OPN5: variants seen among roughly 807,000 people sequenced by gnomAD.
The protein encoded by OPN5 is opsin-5.
Under a neutral mutation model 41.7 loss-of-function variants are expected in OPN5, and 18 were observed. That is an observed-to-expected ratio of 0.43 (90% CI 0.30 to 0.64). OPN5 has a LOEUF of 0.64. Ranked by LOEUF, OPN5 falls within the 30% of genes least tolerant of loss-of-function variation. The pLI, the probability that OPN5 is intolerant of heterozygous loss-of-function variation, is 0.13. For missense variants in OPN5, 318 were observed against 434.5 expected, an observed-to-expected ratio of 0.73 and a Z score of 2.38; for synonymous variants, 178 against 164.3, an observed-to-expected ratio of 1.08 and a Z score of -0.64.
chr6:47,784,329 C>G (rs1474585110), intron 1 of OPN5, among the ~76,000 whole-genome samples: 2 of 151,418 alleles, frequency 1.3e-5, no homozygotes, highest in East Asian at 3.9e-4. Flanking sequence ...TAGAGTCTCA[C>G]TCTGTCACCC....
chr6:47,793,417 A>G (rs1202548218), intron 3 of OPN5, among the ~76,000 whole-genome samples: 1 of 152,190 alleles, frequency 6.6e-6, no homozygotes, highest in Non-Finnish European at 1.5e-5. Context: ...CTGATGCACT[A>G]TTAAACCCTC....
intron 4 of OPN5, among the ~76,000 whole-genome samples, chr6:47,799,780 T>C (rs1326325870): frequency 6.6e-6 from 1 of 152,134 alleles, no homozygotes; most frequent in Non-Finnish European, 1.5e-5. Flanking sequence ...TCAGGGTAGG[T>C]TACCAACTCC....
chr6:47,788,028 C>G (rs899450961), intron 2 of OPN5, among the ~76,000 whole-genome samples: 1 of 152,234 alleles, frequency 6.6e-6, no homozygotes, highest in African/African-American at 2.4e-5. Context: ...TGTGTGCTTA[C>G]TCAGAGTTTG....
chr6:47,795,479 C>A, exon 4 of OPN5: 1 of 1,614,008 alleles, frequency 6.2e-7, no homozygotes, highest in South Asian at 1.1e-5. Flanking sequence ...AGATCATTGC[C>A]AAGGTTAAGT....
At chr6:47,811,893 C>A in intron 6 of OPN5, 162 bp downstream of exon 6, 1 of 466,496 alleles carries the variant, frequency 2.1e-6, no homozygotes, top group Non-Finnish European at 3.8e-6. Context: ...ATTCCAATGG[C>A]TAAATGGAAA....
At chr6:47,821,900 G>T (rs185520149) in intron 6 of OPN5, among the ~76,000 whole-genome samples, 124 of 152,154 alleles carry the variant, frequency 8.1e-4, no homozygotes, top group Non-Finnish European at 8.5e-4. Flanking sequence ...AGATCAAGTG[G>T]TCAGGAGTTC....
intron 4 of OPN5, among the ~76,000 whole-genome samples, chr6:47,804,794 T>C (rs1329294741): frequency 6.6e-6 from 1 of 152,246 alleles, no homozygotes; most frequent in Non-Finnish European, 1.5e-5. Flanking sequence ...TCATTTGCTA[T>C]GTGTTTGTAA....
At chr6:47,810,562 G>A (rs1774152463) in intron 5 of OPN5, among the ~76,000 whole-genome samples, 1 of 152,050 alleles carries the variant, frequency 6.6e-6, no homozygotes, top group Non-Finnish European at 1.5e-5. Flanking sequence ...TCTTTTCTGA[G>A]CCCTGAAATG....
intron 3 of OPN5, chr6:47,793,862 G>C (rs1024770035): frequency 8.3e-6 from 6 of 723,926 alleles, no homozygotes; most frequent in African/African-American, 1.9e-5. Context: ...GATTACCTGT[G>C]CCAATGTTTT....
intron 6 of OPN5, among the ~76,000 whole-genome samples, chr6:47,821,815 T>A (rs1038456814): frequency 1.3e-5 from 2 of 151,996 alleles, no homozygotes; most frequent in African/African-American, 4.8e-5. Context: ...CAAATCTGCA[T>A]TTAAGAAATG....
At chr6:47,809,199 C>A (rs77652685) in intron 5 of OPN5, among the ~76,000 whole-genome samples, 10,316 of 152,144 alleles carry the variant, frequency 0.068, 440 homozygotes, top group South Asian at 0.14. Flanking sequence ...GGAAGAGGCA[C>A]CTGAATTCAT....
At chr6:47,791,703 G>C in intron 2 of OPN5, 99 bp from the exon 3 acceptor site, 1 of 886,922 alleles carries the variant, frequency 1.1e-6, no homozygotes. Flanking sequence ...GCGTTCACAT[G>C]TGTCCCCGTG....
chr6:47,796,553 A>G (rs1321740355), intron 4 of OPN5, among the ~76,000 whole-genome samples: 1 of 152,050 alleles, frequency 6.6e-6, no homozygotes, highest in African/African-American at 2.4e-5. Context: ...TTTCTCTTCT[A>G]TTTTAAAGAT....
chr6:47,824,210 T>G (rs544059617), exon 7 of OPN5: 1 of 575,436 alleles, frequency 1.7e-6, no homozygotes, highest in African/African-American at 1.9e-5. Flanking sequence ...AGTGGCAGAG[T>G]TATAACTAAA....
At chr6:47,808,970 A>G (rs1181796455) in intron 5 of OPN5, among the ~76,000 whole-genome samples, 1 of 152,212 alleles carries the variant, frequency 6.6e-6, no homozygotes, top group African/African-American at 2.4e-5. Flanking sequence ...GCCCATGTTT[A>G]AACAGCCAGA....
intron 6 of OPN5, among the ~76,000 whole-genome samples, chr6:47,818,286 A>G (rs965014731): frequency 3.3e-5 from 5 of 152,142 alleles, no homozygotes; most frequent in Non-Finnish European, 5.9e-5. Flanking sequence ...CTCAGAATAG[A>G]TCTGAATCTA....
intron 4 of OPN5, among the ~76,000 whole-genome samples, chr6:47,801,476 A>G (rs1339457774): frequency 6.6e-6 from 1 of 152,192 alleles, no homozygotes; most frequent in Non-Finnish European, 1.5e-5. Context: ...GTTATTTATC[A>G]TTGAAGGATC....
intron 2 of OPN5, chr6:47,787,159 C>T (rs1429475811): frequency 1.0e-6 from 1 of 983,300 alleles, no homozygotes; most frequent in Non-Finnish European, 1.2e-6. Context: ...ATATCACAAG[C>T]ATAGGAAGCT....
chr6:47,804,453 T>C (rs1051824389), intron 4 of OPN5, among the ~76,000 whole-genome samples: 1 of 152,146 alleles, frequency 6.6e-6, no homozygotes, highest in Non-Finnish European at 1.5e-5. Context: ...AACAGACTGA[T>C]GAAAAGATTA....
Sources: gnomAD v4.1 joint callset for allele counts (sites outside exome capture counted in the v4.1 genomes callset) on GRCh38, gnomAD v4.1.1 for gene constraint, MANE v1.5 for transcripts, NCBI Gene and HGNC (gene_info 2026-07-23, HGNC 2026-07-21) for gene names.